CHLSN: variants seen among roughly 807,000 people sequenced by gnomAD.
CHLSN encodes protein cholesin.
the CHLSN span, among the ~76,000 whole-genome samples, chr7:979,383 A>C: frequency 6.6e-6 from 1 of 152,156 alleles, no homozygotes; most frequent in East Asian, 1.9e-4. Context: ...GATTACAGCC[A>C]CTGATCCTGT....
the CHLSN span, among the ~76,000 whole-genome samples, chr7:1,073,381 A>C: frequency 6.6e-6 from 1 of 152,074 alleles, no homozygotes; most frequent in Non-Finnish European, 1.5e-5. Context: ...CTCCCCGCGC[A>C]GGCAGCTCCT....
chr7:1,002,693 GT>G, the CHLSN span, among the ~76,000 whole-genome samples: 2 of 83,812 alleles, frequency 2.4e-5, no homozygotes, highest in Admixed American at 1.1e-4. Context: ...CTGCGGGTGA[GT>G]GGAGCCCTGT....
chr7:1,070,986 GCA>G, the CHLSN span, among the ~76,000 whole-genome samples: 504 of 148,570 alleles, frequency 3.4e-3, no homozygotes, highest in Non-Finnish European at 4.1e-3. Flanking sequence ...ATGCACACGG[GCA>G]CACACACACG....
At chr7:1,012,480 T>A in the CHLSN span, among the ~76,000 whole-genome samples, 10 of 152,222 alleles carry the variant, frequency 6.6e-5, no homozygotes, top group Middle Eastern at 3.2e-3. Context: ...CTGCTTCTTG[T>A]GTCAGGCACC....
At chr7:1,037,770 C>T in the CHLSN span, among the ~76,000 whole-genome samples, 9 of 58,774 alleles carry the variant, frequency 1.5e-4, no homozygotes, top group Non-Finnish European at 2.8e-4. Context: ...GGAGCGTCTC[C>T]GCCCGGCCGC....
the CHLSN span, chr7:984,637 G>T: frequency 4.0e-6 from 6 of 1,507,810 alleles, no homozygotes; most frequent in Admixed American, 6.9e-5. Flanking sequence ...CCCAGGAGGG[G>T]TGGGGGCTCC....
the CHLSN span, among the ~76,000 whole-genome samples, chr7:1,088,495 C>T: frequency 6.4e-4 from 97 of 152,294 alleles, no homozygotes; most frequent in African/African-American, 2.2e-3. The surrounding 1 kb of genome is among the most constrained non-coding windows in gnomAD (Gnocchi z 4.5). Flanking sequence ...CCCTCTCCCC[C>T]GGAGCTCCGG....
the CHLSN span, among the ~76,000 whole-genome samples, chr7:1,017,732 A>G: frequency 1.3e-5 from 2 of 151,734 alleles, no homozygotes; most frequent in African/African-American, 2.4e-5. Flanking sequence ...GGACGGCGGG[A>G]TAAGGGGCAG....
chr7:1,068,466 T>G, the CHLSN span, among the ~76,000 whole-genome samples: 1 of 152,096 alleles, frequency 6.6e-6, no homozygotes, highest in South Asian at 2.1e-4. Context: ...GTGTGGACAC[T>G]CGCCCTCCAC....
chr7:1,052,621 T>A, the CHLSN span, among the ~76,000 whole-genome samples: 3 of 151,886 alleles, frequency 2.0e-5, no homozygotes, highest in Non-Finnish European at 4.4e-5. The surrounding 1 kb of genome is among the most constrained non-coding windows in gnomAD (Gnocchi z 4.2). Context: ...GTCAAGCTGG[T>A]GGTCTCTCAG....
the CHLSN span, among the ~76,000 whole-genome samples, chr7:1,131,191 TA>T: frequency 0.23 from 27,122 of 115,910 alleles, 3,526 homozygotes; most frequent in East Asian, 0.5. Flanking sequence ...ACCTTGTGTT[TA>T]AAAAAAAAAA....
At chr7:997,923 G>A in the CHLSN span, 19 of 923,434 alleles carry the variant, frequency 2.1e-5, no homozygotes, top group African/African-American at 1.2e-4. Flanking sequence ...CTCCCACTGC[G>A]GCCCGAGGGT....
chr7:1,131,123 C>T, the CHLSN span, among the ~76,000 whole-genome samples: 2 of 144,002 alleles, frequency 1.4e-5, no homozygotes, highest in Non-Finnish European at 3.0e-5. Context: ...CCTGGGAGGT[C>T]GAGGCTGCAG....
At chr7:1,030,629 C>G in the CHLSN span, among the ~76,000 whole-genome samples, 1 of 152,216 alleles carries the variant, frequency 6.6e-6, no homozygotes. Flanking sequence ...ACCTGTAGGG[C>G]TGTGCTGTCC....
the CHLSN span, among the ~76,000 whole-genome samples, chr7:1,091,202 AAAG>A: frequency 2.0e-5 from 3 of 152,166 alleles, no homozygotes; most frequent in South Asian, 6.2e-4. Context: ...GACCTGCAGG[AAAG>A]AAGGCCATGT....
the CHLSN span, among the ~76,000 whole-genome samples, chr7:1,004,670 G>C: frequency 6.6e-6 from 1 of 152,324 alleles, no homozygotes; most frequent in Admixed American, 6.5e-5. Context: ...GGCTCCCACG[G>C]CACTGGGCGA....
chr7:1,085,691 A>T, the CHLSN span, among the ~76,000 whole-genome samples: 1 of 151,682 alleles, frequency 6.6e-6, no homozygotes. Context: ...AAAAAAAAAA[A>T]AAATTAGCGG....
chr7:1,022,879 C>G, the CHLSN span: 16 of 390,538 alleles, frequency 4.1e-5, no homozygotes, highest in Non-Finnish European at 8.4e-5. Context: ...AGTCCAGGGG[C>G]TGCTACAAAG....
the CHLSN span, among the ~76,000 whole-genome samples, chr7:1,064,400 G>A: frequency 1.1e-4 from 16 of 152,214 alleles, no homozygotes; most frequent in Admixed American, 5.9e-4. Flanking sequence ...CTGAGGAGAC[G>A]CTGTGCAGGG....
Sources: gnomAD v4.1 joint callset for allele counts (sites outside exome capture counted in the v4.1 genomes callset) on GRCh38, gnomAD v4.1.1 for gene constraint, Gnocchi (gnomAD v3.1) non-coding constraint, MANE v1.5 for transcripts, NCBI Gene and HGNC (gene_info 2026-07-23, HGNC 2026-07-21) for gene names.